Variants in ATXN2 observed in about 807,000 individuals in gnomAD.
ATXN2 encodes the protein ataxin-2.
A neutral mutation model predicts 138.6 loss-of-function variants in ATXN2; 37 were observed. That is an observed-to-expected ratio of 0.27 (90% confidence interval 0.21 to 0.35). The LOEUF (loss-of-function observed/expected upper bound fraction) is 0.35. ATXN2 is among the 10% of genes least tolerant of loss of function. ATXN2 has a pLI of 1.00. For missense variants in ATXN2, 1,216 were observed against 1,480.3 expected (o/e 0.82, Z 2.93); for synonymous variants, 549 against 543.7 (o/e 1.01, Z -0.13).
chr12:111,489,338 G>T (rs1228732684), intron 14 of ATXN2, among the ~76,000 whole-genome samples: 3 of 152,140 alleles, frequency 2.0e-5, no homozygotes, highest in African/African-American at 7.2e-5. Flanking sequence ...ATGGGGGCCG[G>T]GCACGGTGGC....
At chr12:111,581,634 A>G (rs964315356) in intron 1 of ATXN2, 5 of 770,160 alleles carry the variant, frequency 6.5e-6, no homozygotes, top group Non-Finnish European at 1.2e-5. Context: ...AAGTCTAGGG[A>G]CAAGAAGATG....
intron 14 of ATXN2, among the ~76,000 whole-genome samples, chr12:111,490,665 G>A (rs747191029): frequency 6.6e-5 from 10 of 152,032 alleles, no homozygotes; most frequent in Non-Finnish European, 1.2e-4. Flanking sequence ...TTAGGTAAGC[G>A]ATCACAGTAC....
chr12:111,514,468 C>T (rs1879746050), intron 10 of ATXN2, among the ~76,000 whole-genome samples: 1 of 152,188 alleles, frequency 6.6e-6, no homozygotes, highest in African/African-American at 2.4e-5. Context: ...ACTCTCTCAC[C>T]CGGCTGCCAA....
intron 1 of ATXN2, among the ~76,000 whole-genome samples, chr12:111,576,484 AATTATT>A (rs929410896): frequency 2.0e-5 from 3 of 151,710 alleles, no homozygotes; most frequent in African/African-American, 7.3e-5. Flanking sequence ...ATATTCAACA[AATTATT>A]ATTATTATTT....
intron 1 of ATXN2, among the ~76,000 whole-genome samples, chr12:111,571,341 T>C (rs1369211829): frequency 6.6e-6 from 1 of 152,178 alleles, no homozygotes; most frequent in Non-Finnish European, 1.5e-5. Context: ...TGAGGGAAAA[T>C]GGTAATCTTT....
Position 111,576,084 on chromosome 12 carries a change from A to AC in ATXN2, c.252-20166_252-20165insG, listed in dbSNP as rs1486111066. 4.1e-5 allele frequency among the ~76,000 whole-genome samples: 6 copies of AC among 146,004 alleles called. No homozygotes were observed. The South Asian group carries it at 6.6e-4, about 16-fold the overall frequency. ...GCGACAAGAGACAAACTCTGTCTTAAAATAACATAACATAACATAACATAA... is the reference window on the plus strand; with the variant it reads ...GCGACAAGAGACAAACTCTGTCTTAACAATAACATAACATAACATAACATAA... On this transcript the variant is annotated intron_variant, in intron 1 of 24. Coordinates refer to ENST00000673436, the MANE Select transcript of ATXN2 (RefSeq NM_001372574.1).
chr12:111,531,028 G>A (rs1450860090), intron 5 of ATXN2, among the ~76,000 whole-genome samples: 1 of 151,994 alleles, frequency 6.6e-6, no homozygotes. Flanking sequence ...TGAAGCAGGA[G>A]AATCACTTGA....
intron 1 of ATXN2, among the ~76,000 whole-genome samples, chr12:111,565,294 G>C (rs569589906): frequency 2.0e-5 from 3 of 152,218 alleles, no homozygotes; most frequent in African/African-American, 7.2e-5. Flanking sequence ...TGGAAACCCC[G>C]AGTCGGGCAA....
intron 14 of ATXN2, among the ~76,000 whole-genome samples, chr12:111,508,055 C>G (rs1879274000): frequency 6.6e-6 from 1 of 152,062 alleles, no homozygotes; most frequent in Non-Finnish European, 1.5e-5. Context: ...CTAGGAAAAC[C>G]AGAGACCTTT....
At chr12:111,485,942 C>A in intron 16 of ATXN2, 77 bp from the exon 17 acceptor site, 1 of 1,428,590 alleles carries the variant, frequency 7.0e-7, no homozygotes, top group Non-Finnish European at 9.5e-7. Flanking sequence ...CGGATTTTCC[C>A]AGTCTTTCTA....
upstream of ATXN2, chr12:111,599,643 A>G (rs553209118): frequency 2.8e-6 from 3 of 1,070,028 alleles, no homozygotes; most frequent in African/African-American, 5.5e-5. Context: ...ACACGTGAGG[A>G]GCGGGCGGCG....
intron 1 of ATXN2, among the ~76,000 whole-genome samples, chr12:111,568,612 C>T (rs1592911138): frequency 6.6e-6 from 1 of 152,220 alleles, no homozygotes; most frequent in South Asian, 2.1e-4. Flanking sequence ...TTCCCTCCAG[C>T]TATTCACATG....
rs572467913 is a variant in ATXN2 at position 111,486,773 on chromosome 12, A to G, written c.2292T>C (p.Arg764=). The G allele has an allele frequency of 2.2e-5, 35 of 1,612,178 alleles. 1 individual carries two copies. The South Asian group carries it at 3.7e-4, about 17-fold the overall frequency. ...LNPNAKEFNP[R]SFSQPKPSTT... ...GTAATAAACCTACCTGAGAGAAGGA[A>G]CGTGGGTTGAACTCCTTTGCATTGG... Residue 764 remains arginine, a synonymous_variant, in exon 16 of 25, where the codon CGT becomes CGC. Transcript: ENST00000673436.
At chr12:111,485,918 T>C (rs184687954) in intron 16 of ATXN2, 53 bp from the exon 17 acceptor site, 3 of 1,548,082 alleles carry the variant, frequency 1.9e-6, no homozygotes, top group Non-Finnish European at 1.8e-6. Context: ...TGAACTATTA[T>C]TGCAATTTAA....
chr12:111,466,208 A>T (rs7967067), intron 20 of ATXN2, among the ~76,000 whole-genome samples: 15,416 of 149,584 alleles, frequency 0.1, 2,634 homozygotes, highest in African/African-American at 0.35. Flanking sequence ...AAATAAAAAA[A>T]AAAAAAGAGG....
intron 1 of ATXN2, among the ~76,000 whole-genome samples, chr12:111,583,766 CA>C (rs748838859): frequency 0.061 from 3,550 of 57,888 alleles, 44 homozygotes; most frequent in African/African-American, 0.24. Flanking sequence ...GACTCCGACT[CA>C]AAAAAAAAAA....
chr12:111,530,374 C>G (rs1025482039), intron 5 of ATXN2, among the ~76,000 whole-genome samples: 7 of 152,164 alleles, frequency 4.6e-5, no homozygotes, highest in African/African-American at 9.7e-5. Context: ...CAATTAAAAA[C>G]AAAGTTCTAA....
At chr12:111,477,724 A>G (rs1197640353) in intron 18 of ATXN2, among the ~76,000 whole-genome samples, 1 of 152,166 alleles carries the variant, frequency 6.6e-6, no homozygotes, top group Non-Finnish European at 1.5e-5. Context: ...AAAAGTAGTA[A>G]CTTTATTTTC....
chr12:111,589,349 C>A (rs1884528088), intron 1 of ATXN2, among the ~76,000 whole-genome samples: 2 of 151,816 alleles, frequency 1.3e-5, no homozygotes, highest in East Asian at 1.9e-4. Flanking sequence ...ATTTAAAAAA[C>A]CAGCCAGGCA....
Sources: gnomAD v4.1 joint callset for allele counts (sites outside exome capture counted in the v4.1 genomes callset) on GRCh38, gnomAD v4.1.1 for gene constraint, MANE v1.5 for transcripts, NCBI Gene and HGNC (gene_info 2026-07-23, HGNC 2026-07-21) for gene names.